The following FUBP3 variants were observed in gnomAD, a reference collection of about 807,000 sequenced individuals.
FUBP3 encodes the protein far upstream element binding protein 3, also known as far upstream element-binding protein 3.
In FUBP3, 28 loss-of-function variants were observed where a neutral mutation model predicts 85.6. That is an observed-to-expected ratio of 0.33 (90% CI 0.24 to 0.45). The LOEUF (loss-of-function observed/expected upper bound fraction) is 0.45. Among genes scored for constraint, FUBP3 ranks in the 20% least tolerant of loss-of-function variants. FUBP3 has a pLI of 1.00. For missense variants in FUBP3, 583 were observed against 755.1 expected, an observed-to-expected ratio of 0.77 and a Z score of 2.67; for synonymous variants, 271 against 271.4, an observed-to-expected ratio of 1.00 and a Z score of 0.01.
intron 3 of FUBP3, among the ~76,000 whole-genome samples, chr9:130,610,275 G>A (rs143752555): frequency 7.4e-4 from 112 of 152,332 alleles, no homozygotes; most frequent in African/African-American, 2.6e-3. Flanking sequence ...AGGAGAGAAT[G>A]AGATTTTCCC....
In FUBP3 at chr9:130,612,955, G is replaced by A. The variant is rs749567791; in HGVS notation, c.275-1G>A. On this transcript the variant is annotated splice_acceptor_variant, in intron 4 of 18. Coordinates refer to ENST00000319725, the MANE Select transcript of FUBP3 (RefSeq NM_003934.2). LOFTEE classifies it high-confidence loss of function. This position sits in a 1 kb window ranked among gnomAD's most constrained non-coding sequence, Gnocchi z 4.1. ...TTCTGACCCTGTTCAATTTGTTTCAGTTATCGGCAGGGGAGGTGAGCAGAT... is the reference window on the plus strand; with the variant it reads ...TTCTGACCCTGTTCAATTTGTTTCAATTATCGGCAGGGGAGGTGAGCAGAT... 1.2e-6 allele frequency: 2 copies of A among 1,608,554 alleles called. No homozygotes were observed. Among genetic ancestry groups the A allele is most frequent in the East Asian group, 2.2e-5 (1 of 44,842 alleles).
At chr9:130,592,365 T>C (rs933315103) in intron 1 of FUBP3, among the ~76,000 whole-genome samples, 2 of 152,164 alleles carry the variant, frequency 1.3e-5, no homozygotes, top group Admixed American at 6.5e-5. Context: ...CTGAGATGAG[T>C]GTGGCTGTGT....
At chr9:130,596,674 A>G (rs1830888348) in intron 2 of FUBP3, 1 of 454,854 alleles carries the variant, frequency 2.2e-6, no homozygotes, top group Non-Finnish European at 4.5e-6. Flanking sequence ...ACGTTTTTAA[A>G]TCCTCCAGTT....
Position 130,623,861 on chromosome 9 carries a change from T to G in FUBP3, c.975+150T>G, listed in dbSNP as rs1006649842. 1.0e-5 allele frequency: 5 copies of G among 478,312 alleles called. No homozygotes were observed. In the Admixed American group the frequency reaches 1.2e-4, roughly 12 times the overall value. 29.6% of individuals were successfully genotyped at this position (478,312 alleles called of 1,614,324 possible). A position where few individuals can be genotyped will look rare whatever the true frequency, so the allele number is the denominator to read the frequency against. On this transcript the variant is annotated intron_variant, in intron 11 of 18. Transcript: ENST00000319725. ...AGCAGTTTCTCTACATCAGCCTCTT[T>G]CCTGCCTTCTTGGTATTTTTTTCTG...
intron 12 of FUBP3, among the ~76,000 whole-genome samples, chr9:130,627,955 G>C (rs1830046799): frequency 6.6e-6 from 1 of 152,130 alleles, no homozygotes. Flanking sequence ...GTGATTCCTA[G>C]AAAACAGTGA....
chr9:130,607,673 A>C (rs2119060995), intron 2 of FUBP3, among the ~76,000 whole-genome samples: 1 of 152,284 alleles, frequency 6.6e-6, no homozygotes, highest in African/African-American at 2.4e-5. Flanking sequence ...ATGAGTACCC[A>C]GCGCCCCTGA....
chr9:130,614,488 T>G (rs1831903258), intron 6 of FUBP3, 143 bp downstream of exon 6: 3 of 567,392 alleles, frequency 5.3e-6, no homozygotes, highest in Non-Finnish European at 9.5e-6. Context: ...AGGAAAAAAA[T>G]CTGGGAGGTT....
intron 10 of FUBP3, 92 bp from the exon 11 acceptor site, chr9:130,623,519 C>A (rs994806774): frequency 1.2e-6 from 1 of 843,062 alleles, no homozygotes; most frequent in South Asian, 1.5e-5. Flanking sequence ...TTTGGCACCG[C>A]GGGTGAGAAT....
chr9:130,614,341 A>G lies in FUBP3; in HGVS notation c.400A>G (p.Ile134Val), dbSNP rs1378948001. 13 of 1,582,386 alleles carry G rather than the reference A, an allele frequency of 8.2e-6. No homozygotes were observed. Among genetic ancestry groups the G allele is most frequent in the Non-Finnish European group, 1.0e-5 (12 of 1,151,672 alleles). ...PCVLTGTPESIEQAKRLLGQI... is the reference protein window; with the variant it reads ...PCVLTGTPESVEQAKRLLGQI... The stretch of plus-strand genomic sequence containing the variant: ...TGTACTTACCGGAACCCCAGAAAGT[A>G]TTGAGTAAGTTTATTTTATTTACTT... Residue 134 changes from isoleucine to valine, a missense_variant, in exon 6 of 19, where the codon ATT (isoleucine) becomes GTT (valine). By Grantham distance (29) the Ile-to-Val change is conservative. Coordinates refer to ENST00000319725, the MANE Select transcript of FUBP3 (RefSeq NM_003934.2).
In FUBP3 at chr9:130,630,799, G is replaced by A. The variant is rs201011750; in HGVS notation, c.1278+11G>A. The A allele has an allele frequency of 2.1e-6, 3 of 1,458,992 alleles. No individual in the cohort carries two copies. Among genetic ancestry groups the A allele is most frequent in the Middle Eastern group, 1.8e-4 (1 of 5,432 alleles). 90.4% of individuals were successfully genotyped at this position (1,458,992 alleles called of 1,614,324 possible). ...GATGAGAAAGTTGGCGTACGTACAG[G>A]GTCCTTCCCCCACCTGGTTTACTCA... On this transcript the variant is annotated intron_variant, in intron 13 of 18. Transcript: ENST00000319725.
intron 2 of FUBP3, among the ~76,000 whole-genome samples, chr9:130,597,103 T>C (rs1399256746): frequency 6.7e-6 from 1 of 149,418 alleles, no homozygotes; most frequent in African/African-American, 2.5e-5. Context: ...TGTCCATGAG[T>C]TCAACTGTTT....
At chr9:130,595,337 G>C in intron 1 of FUBP3, 146 bp from the exon 2 acceptor site, 1 of 572,688 alleles carries the variant, frequency 1.7e-6, no homozygotes, top group Non-Finnish European at 3.2e-6. Context: ...ACAGTGAAAA[G>C]TATTTGTGCT....
At chr9:130,595,149 C>A (rs921420933) in intron 1 of FUBP3, among the ~76,000 whole-genome samples, 1 of 151,102 alleles carries the variant, frequency 6.6e-6, no homozygotes, top group African/African-American at 2.4e-5. Context: ...TCGCTTGAAC[C>A]CGGGAGGCAA....
chr9:130,593,076 C>G (rs1043649642), intron 1 of FUBP3, among the ~76,000 whole-genome samples: 23 of 152,174 alleles, frequency 1.5e-4, no homozygotes, highest in Non-Finnish European at 3.4e-4. Context: ...TGTACAAGTT[C>G]CTCTGCCTAG....
At chr9:130,580,040 A>G (rs1210763350) in intron 1 of FUBP3, among the ~76,000 whole-genome samples, 1 of 152,194 alleles carries the variant, frequency 6.6e-6, no homozygotes, top group East Asian at 1.9e-4. Flanking sequence ...CCCAGCGGCC[A>G]GCCTGGACCC....
At chr9:130,590,856 A>T (rs1830592532) in intron 1 of FUBP3, among the ~76,000 whole-genome samples, 1 of 152,032 alleles carries the variant, frequency 6.6e-6, no homozygotes, top group Non-Finnish European at 1.5e-5. Context: ...GAAAATAGGA[A>T]ATTAATGTTT....
At chr9:130,606,912 C>A (rs909906608) in intron 2 of FUBP3, among the ~76,000 whole-genome samples, 1 of 151,460 alleles carries the variant, frequency 6.6e-6, no homozygotes, top group African/African-American at 2.4e-5. Flanking sequence ...AAAATGAAAT[C>A]TTTTTTTCTT....
At chr9:130,623,575 C>T in intron 10 of FUBP3, 36 bp from the exon 11 acceptor site, 1 of 1,367,126 alleles carries the variant, frequency 7.3e-7, no homozygotes, top group Non-Finnish European at 1.0e-6. Flanking sequence ...TAACGTTGGG[C>T]TTTTTTCTAA....
rs1830387305 is a variant in FUBP3, at chr9:130,635,666, C to T, written c.1583-333C>T. ...ACCCAAGTTAGGTACTCCCCTTCTC[C>T]CCCACCCCCACCCCAGGATCCCCCC... On this transcript the variant is annotated intron_variant, in intron 17 of 18. Coordinates refer to ENST00000319725, the MANE Select transcript of FUBP3 (RefSeq NM_003934.2). The surrounding 1 kb of genome is among the most constrained non-coding windows in gnomAD (Gnocchi z 4.3). Among the ~76,000 whole-genome samples the T allele has an allele frequency of 1.3e-5, 2 of 152,186 alleles. No homozygotes were observed. Among genetic ancestry groups the T allele is most frequent in the African/African-American group, 4.8e-5 (2 of 41,524 alleles).
Sources: allele counts gnomAD v4.1 joint callset (sites outside exome capture counted in the v4.1 genomes callset), GRCh38; gene constraint gnomAD v4.1.1; non-coding constraint Gnocchi (gnomAD v3.1); transcripts MANE v1.5; gene names NCBI Gene and HGNC (gene_info 2026-07-23, HGNC 2026-07-21).